DOCK2: variants seen among roughly 807,000 people sequenced by gnomAD.
DOCK2 encodes the protein dedicator of cytokinesis 2, also known as dedicator of cytokinesis protein 2.
In DOCK2, 87 loss-of-function variants were observed where a neutral mutation model predicts 248.9. That is an observed-to-expected ratio of 0.35 (90% CI 0.29 to 0.42). DOCK2 has a LOEUF of 0.42. Ranked by LOEUF, DOCK2 falls within the 10% of genes least tolerant of loss-of-function variation. DOCK2 has a pLI of 1.00. For synonymous variants in DOCK2, 805 were observed against 821.6 expected (o/e 0.98, Z 0.35); for missense variants, 1,747 against 2,300.2 (o/e 0.76, Z 4.92).
chr5:169,671,247 A>C, intron 5 of DOCK2, 73 bp downstream of exon 5: 3 of 1,442,562 alleles, frequency 2.1e-6, no homozygotes, highest in Non-Finnish European at 2.9e-6. Context: ...TTTTCATTTT[A>C]GCATTGAGTC....
intron 27 of DOCK2, among the ~76,000 whole-genome samples, chr5:169,916,254 A>T (rs1774870006): frequency 6.6e-6 from 1 of 152,210 alleles, no homozygotes; most frequent in Non-Finnish European, 1.5e-5. Context: ...TGTGGGACAA[A>T]ATAATTCTAG....
intron 27 of DOCK2, among the ~76,000 whole-genome samples, chr5:169,928,130 C>A (rs1775565098): frequency 6.6e-6 from 1 of 152,200 alleles, no homozygotes; most frequent in South Asian, 2.1e-4. Context: ...GCCTTCCCAG[C>A]CAAACCCTTC....
chr5:169,794,446 C>T (rs1484444142), intron 25 of DOCK2, among the ~76,000 whole-genome samples: 1 of 152,042 alleles, frequency 6.6e-6, no homozygotes, highest in East Asian at 1.9e-4. Context: ...TAGCACTTTA[C>T]TAGAATATAA....
intron 27 of DOCK2, among the ~76,000 whole-genome samples, chr5:169,889,615 G>T (rs531829648): frequency 1.3e-5 from 2 of 152,110 alleles, no homozygotes; most frequent in Non-Finnish European, 2.9e-5. Flanking sequence ...TATCCTTTAC[G>T]CCAGGAGTCA....
chr5:169,758,418 C>G (rs1345500413), intron 23 of DOCK2, among the ~76,000 whole-genome samples: 2 of 152,074 alleles, frequency 1.3e-5, no homozygotes, highest in African/African-American at 2.4e-5. Flanking sequence ...CAATTTTCAC[C>G]CTCATGCCTT....
intron 13 of DOCK2, among the ~76,000 whole-genome samples, chr5:169,701,278 G>C (rs889254524): frequency 6.6e-6 from 1 of 152,172 alleles, no homozygotes; most frequent in Non-Finnish European, 1.5e-5. Context: ...AACTAAATTT[G>C]TTGTAATTTT....
At chr5:170,040,022 T>G (rs17738584) in intron 36 of DOCK2, among the ~76,000 whole-genome samples, 6,574 of 152,296 alleles carry the variant, frequency 0.043, 233 homozygotes, top group South Asian at 0.18. Flanking sequence ...TAGTTCACAG[T>G]GATAATAGGT....
At chr5:169,862,494 G>A (rs1021025811) in intron 27 of DOCK2, among the ~76,000 whole-genome samples, 1 of 150,956 alleles carries the variant, frequency 6.6e-6, no homozygotes, top group Non-Finnish European at 1.5e-5. Context: ...ACAGTTGATC[G>A]TATGGATACA....
chr5:170,035,343 A>G (rs998387494), intron 35 of DOCK2, among the ~76,000 whole-genome samples: 6 of 152,208 alleles, frequency 3.9e-5, no homozygotes, highest in African/African-American at 1.4e-4. Context: ...CTCCTGAAAC[A>G]CAAAACCTGT....
At chr5:169,769,922 T>C (rs964138780) in intron 25 of DOCK2, among the ~76,000 whole-genome samples, 11 of 152,214 alleles carry the variant, frequency 7.2e-5, no homozygotes, top group African/African-American at 2.7e-4. Flanking sequence ...AAGTTTTGTT[T>C]TATTTACGTT....
At chr5:169,842,003 T>C (rs559618295) in intron 27 of DOCK2, among the ~76,000 whole-genome samples, 1 of 152,252 alleles carries the variant, frequency 6.6e-6, no homozygotes, top group Non-Finnish European at 1.5e-5. Flanking sequence ...GGATGAGGGC[T>C]ACTCAGCCTT....
intron 25 of DOCK2, among the ~76,000 whole-genome samples, chr5:169,762,434 T>C (rs1328745384): frequency 6.6e-6 from 1 of 152,180 alleles, no homozygotes; most frequent in East Asian, 1.9e-4. Flanking sequence ...CTGCTTACCC[T>C]AAACTGGTCA....
At chr5:169,905,216 C>T (rs1774210559) in intron 27 of DOCK2, among the ~76,000 whole-genome samples, 1 of 151,902 alleles carries the variant, frequency 6.6e-6, no homozygotes, top group Non-Finnish European at 1.5e-5. Flanking sequence ...GAGAAATGTG[C>T]CACAAAGGGG....
chr5:169,642,471 G>A (rs1432124807), intron 1 of DOCK2, among the ~76,000 whole-genome samples: 2 of 152,184 alleles, frequency 1.3e-5, no homozygotes, highest in East Asian at 1.9e-4. Context: ...ATGTGAGAAG[G>A]CCTCTCAGGA....
chr5:169,988,727 G>T (rs1778134232), intron 29 of DOCK2, among the ~76,000 whole-genome samples: 1 of 152,112 alleles, frequency 6.6e-6, no homozygotes, highest in Admixed American at 6.5e-5. Context: ...GGTCAGGCTG[G>T]TCTTGAACTC....
intron 27 of DOCK2, among the ~76,000 whole-genome samples, chr5:169,855,899 T>C (rs1161079625): frequency 1.3e-5 from 2 of 152,138 alleles, no homozygotes; most frequent in African/African-American, 4.8e-5. Flanking sequence ...AGGTTTAATT[T>C]ACTCACAGTT....
chr5:169,757,444 G>A (rs1280169329), intron 23 of DOCK2, among the ~76,000 whole-genome samples: 1 of 152,084 alleles, frequency 6.6e-6, no homozygotes, highest in African/African-American at 2.4e-5. Context: ...TTCCCCTACA[G>A]AATACCTAGC....
chr5:169,845,715 T>C (rs983369909), intron 27 of DOCK2, among the ~76,000 whole-genome samples: 7 of 152,038 alleles, frequency 4.6e-5, no homozygotes, highest in African/African-American at 1.2e-4. Flanking sequence ...GCAAAGGTTG[T>C]AAGTTGCAAG....
intron 27 of DOCK2, among the ~76,000 whole-genome samples, chr5:169,897,921 C>T (rs934831854): frequency 6.6e-6 from 1 of 152,174 alleles, no homozygotes; most frequent in Non-Finnish European, 1.5e-5. Flanking sequence ...CTAATAAAAA[C>T]CATTTCCTAC....
Sources: gnomAD v4.1 joint callset for allele counts (sites outside exome capture counted in the v4.1 genomes callset) on GRCh38, gnomAD v4.1.1 for gene constraint, MANE v1.5 for transcripts, NCBI Gene and HGNC (gene_info 2026-07-23, HGNC 2026-07-21) for gene names.